The following PTPRK variants were observed in gnomAD, a reference collection of about 807,000 sequenced individuals.
PTPRK encodes receptor-type tyrosine-protein phosphatase kappa.
PTPRK carries 75 observed loss-of-function variants against 178.0 expected under a neutral mutation model. The ratio of observed to expected loss-of-function variants is 0.42; its 90% CI spans 0.35 to 0.51. PTPRK has a LOEUF of 0.51. PTPRK is among the 20% of genes least tolerant of loss of function. The pLI is 0.02. For synonymous variants in PTPRK, 637 were observed against 620.6 expected (o/e 1.03, Z -0.39); for missense variants, 1,441 against 1,797.8 (o/e 0.80, Z 3.59).
At chr6:128,365,508 T>C (rs941534888) in intron 2 of PTPRK, among the ~76,000 whole-genome samples, 27 of 152,244 alleles carry the variant, frequency 1.8e-4, no homozygotes, top group African/African-American at 3.6e-4. Context: ...CTGAAGTCTT[T>C]TATAATTGAT....
chr6:128,142,109 T>C (rs1795854873), intron 7 of PTPRK, among the ~76,000 whole-genome samples: 1 of 150,754 alleles, frequency 6.6e-6, no homozygotes, highest in Admixed American at 6.6e-5. Flanking sequence ...ATATGTCAAG[T>C]ATATGCATAT....
At chr6:128,082,753 T>G (rs1025907911) in intron 9 of PTPRK, 115 bp from the exon 10 acceptor site, 5 of 699,020 alleles carry the variant, frequency 7.2e-6, no homozygotes. Context: ...AATGGTAATT[T>G]TTTTCTTCTT....
intron 7 of PTPRK, among the ~76,000 whole-genome samples, chr6:128,131,319 G>C (rs1330154318): frequency 6.6e-6 from 1 of 152,138 alleles, no homozygotes; most frequent in Non-Finnish European, 1.5e-5. Flanking sequence ...CAAAAAACAT[G>C]GGTGATCAGT....
At chr6:128,500,023 A>G (rs992051545) in intron 1 of PTPRK, among the ~76,000 whole-genome samples, 1 of 152,222 alleles carries the variant, frequency 6.6e-6, no homozygotes, top group African/African-American at 2.4e-5. Flanking sequence ...ATGTCCCTAT[A>G]GGTTGGTGGA....
At chr6:127,994,282 T>C (rs1371653999) in intron 18 of PTPRK, among the ~76,000 whole-genome samples, 1 of 151,728 alleles carries the variant, frequency 6.6e-6, no homozygotes, top group Non-Finnish European at 1.5e-5. Flanking sequence ...CTTTTAGGTC[T>C]ATAGAAGTAT....
chr6:128,506,461 G>C (rs1454673622), intron 1 of PTPRK, among the ~76,000 whole-genome samples: 1 of 151,814 alleles, frequency 6.6e-6, no homozygotes, highest in Non-Finnish European at 1.5e-5. Context: ...ATGTTGGGTA[G>C]GTTTTTATAC....
At chr6:128,450,249 GT>G (rs1171343107) in intron 1 of PTPRK, among the ~76,000 whole-genome samples, 1 of 152,166 alleles carries the variant, frequency 6.6e-6, no homozygotes, top group African/African-American at 2.4e-5. Context: ...TGTGCACACA[GT>G]TATGACAATG....
At chr6:128,362,386 T>C (rs367796398) in intron 2 of PTPRK, among the ~76,000 whole-genome samples, 2,191 of 152,114 alleles carry the variant, frequency 0.014, 56 homozygotes, top group African/African-American at 0.05. Context: ...AGACTGGGGA[T>C]TGCAATTCAA....
chr6:128,253,329 G>A (rs1232799229), intron 3 of PTPRK, among the ~76,000 whole-genome samples: 7 of 152,132 alleles, frequency 4.6e-5, no homozygotes, highest in African/African-American at 1.7e-4. Flanking sequence ...TCTGTCCTTA[G>A]ATACATAAGC....
At chr6:128,260,551 G>A in intron 3 of PTPRK, among the ~76,000 whole-genome samples, 1 of 152,172 alleles carries the variant, frequency 6.6e-6, no homozygotes, top group East Asian at 1.9e-4. Flanking sequence ...CTGGGATGGA[G>A]ATTACCGCTT....
rs1309363534 is a variant in PTPRK at position 128,514,381 on chromosome 6, TG to T, written c.100+5877del. Among the ~76,000 whole-genome samples, 243 of 145,938 alleles carry T rather than the reference TG, an allele frequency of 1.7e-3. 2 individuals are homozygous for T. The East Asian group carries it at 0.024, about 15-fold the overall frequency. On this transcript the variant is annotated intron_variant, in intron 1 of 29. Coordinates refer to ENST00000368226, the MANE Select transcript of PTPRK (RefSeq NM_002844.4). The stretch of plus-strand genomic sequence containing the variant: ...CTAGCATTGTTAAGATGTGTGTGTG[TG>T]TGTGTGTGTGTGTGTGTGTATTCAC...
intron 7 of PTPRK, among the ~76,000 whole-genome samples, chr6:128,126,221 C>T (rs1793352748): frequency 6.6e-6 from 1 of 152,056 alleles, no homozygotes; most frequent in Non-Finnish European, 1.5e-5. Flanking sequence ...CTCCCTTGCC[C>T]CCAACTCTCT....
At chr6:128,050,802 A>G (rs1209469444) in intron 13 of PTPRK, among the ~76,000 whole-genome samples, 4 of 152,156 alleles carry the variant, frequency 2.6e-5, no homozygotes, top group Admixed American at 6.5e-5. Flanking sequence ...CTGCCTCCCA[A>G]AGTGTTGGGA....
intron 2 of PTPRK, among the ~76,000 whole-genome samples, chr6:128,335,599 TAGGGTTA>T (rs1008225418): frequency 1.3e-5 from 2 of 151,856 alleles, no homozygotes; most frequent in Admixed American, 1.3e-4. Flanking sequence ...GTAGAGAAAA[TAGGGTTA>T]TTTTATTTTT....
intron 10 of PTPRK, among the ~76,000 whole-genome samples, chr6:128,079,188 C>T (rs1784370597): frequency 6.6e-6 from 1 of 151,934 alleles, no homozygotes; most frequent in African/African-American, 2.4e-5. Flanking sequence ...AAGATGCTTT[C>T]CTTTTAGTTT....
chr6:128,437,646 G>A (rs910869420), intron 1 of PTPRK, among the ~76,000 whole-genome samples: 2 of 152,194 alleles, frequency 1.3e-5, no homozygotes, highest in Non-Finnish European at 2.9e-5. Flanking sequence ...GCTGACCCAA[G>A]GCAGGAGGAG....
chr6:128,386,613 G>A (rs765003317), intron 2 of PTPRK, among the ~76,000 whole-genome samples: 9 of 152,176 alleles, frequency 5.9e-5, no homozygotes, highest in Non-Finnish European at 1.3e-4. Context: ...AAAATACTCT[G>A]AAGTAATAAA....
In PTPRK at chr6:128,070,438, A is replaced by G. The variant is rs563430060; in HGVS notation, c.1884-2646T>C. Among the ~76,000 whole-genome samples, 7 of 152,178 alleles carry G rather than the reference A, an allele frequency of 4.6e-5. No individual in the cohort carries two copies. In the South Asian group the frequency reaches 1.5e-3, roughly 32 times the overall value. On this transcript the variant is annotated intron_variant, in intron 11 of 29. Transcript: ENST00000368226. Reference sequence around the variant, plus strand: ...CTCACCAAGAACCAAATCCGAGAGCACCTGGATCTTGGACTTCCCAGTCTC... The same window carrying G: ...CTCACCAAGAACCAAATCCGAGAGCGCCTGGATCTTGGACTTCCCAGTCTC...
chr6:128,309,760 T>C (rs1826957986), intron 3 of PTPRK, among the ~76,000 whole-genome samples: 1 of 147,820 alleles, frequency 6.8e-6, no homozygotes, highest in Non-Finnish European at 1.5e-5. Context: ...TGAATTAAGA[T>C]ATTCTGATTT....
Sources: gnomAD v4.1 joint callset for allele counts (sites outside exome capture counted in the v4.1 genomes callset) on GRCh38, gnomAD v4.1.1 for gene constraint, MANE v1.5 for transcripts, NCBI Gene and HGNC (gene_info 2026-07-23, HGNC 2026-07-21) for gene names.